Variants in SFMBT2 observed in about 807,000 individuals in gnomAD.
SFMBT2 encodes scm-like with four MBT domains protein 2.
A neutral mutation model predicts 110.1 loss-of-function variants in SFMBT2; 38 were observed. The observed-to-expected ratio is 0.35, with a 90% CI of 0.27 to 0.45. The LOEUF is 0.45. Among genes scored for constraint, SFMBT2 ranks in the 20% least tolerant of loss-of-function variants. The pLI is 1.00. For synonymous variants in SFMBT2, 425 were observed against 425.4 expected, an observed-to-expected ratio of 1.00 and a Z score of 0.01; for missense variants, 1,011 against 1,094.9, an observed-to-expected ratio of 0.92 and a Z score of 1.08.
At chr10:7,401,016 C>A (rs898441122) in intron 1 of SFMBT2, among the ~76,000 whole-genome samples, 84 of 152,220 alleles carry the variant, frequency 5.5e-4, no homozygotes, top group African/African-American at 1.9e-3. Flanking sequence ...GCCTGTAATC[C>A]CAGCTACTTG....
chr10:7,357,669 T>C (rs1012258418), intron 4 of SFMBT2, among the ~76,000 whole-genome samples: 3 of 152,116 alleles, frequency 2.0e-5, no homozygotes, highest in African/African-American at 7.2e-5. Flanking sequence ...CTAAAACAAT[T>C]CCAAATTAAC....
intron 4 of SFMBT2, among the ~76,000 whole-genome samples, chr10:7,330,659 C>A (rs991275011): frequency 6.6e-6 from 1 of 152,208 alleles, no homozygotes; most frequent in East Asian, 1.9e-4. Flanking sequence ...CTCTCTCTTT[C>A]TTCCTCTCTC....
intron 4 of SFMBT2, among the ~76,000 whole-genome samples, chr10:7,327,775 TA>T (rs1325341504): frequency 6.6e-6 from 1 of 152,180 alleles, no homozygotes; most frequent in East Asian, 1.9e-4. Context: ...CCTTCAAGAT[TA>T]TTCTCCATGG....
chr10:7,302,621 A>G lies in SFMBT2; in HGVS notation c.437-16667T>C, dbSNP rs143127443. The stretch of plus-strand genomic sequence containing the variant: ...GTTTTTATGAGAAAGAAGGTCTAGT[A>G]AAAGTGATTGATTACAAGGAGCATT... On this transcript the variant is annotated intron_variant, in intron 4 of 20. Transcript: ENST00000397167. Among the ~76,000 whole-genome samples, 210 of 152,370 alleles carry G rather than the reference A, an allele frequency of 1.4e-3. 1 individual carries two copies. Among genetic ancestry groups the G allele is most frequent in the African/African-American group, 4.9e-3 (205 of 41,584 alleles).
In SFMBT2 at chr10:7,173,936, C is replaced by T. The variant is rs527619902; in HGVS notation, c.1985-1275G>A. Among the ~76,000 whole-genome samples the T allele has an allele frequency of 2.6e-5, 4 of 152,306 alleles. No individual in the cohort carries two copies. In the South Asian group the frequency reaches 8.3e-4, roughly 32 times the overall value. ...TAAGTCACCTATCCTTTCTGCACCC[C>T]AATTTCCTTACTTACAAAATGAGAC... On this transcript the variant is annotated intron_variant, in intron 17 of 20. Transcript: ENST00000397167.
intron 6 of SFMBT2, among the ~76,000 whole-genome samples, chr10:7,281,970 A>T (rs947292005): frequency 3.9e-5 from 6 of 152,042 alleles, no homozygotes; most frequent in Non-Finnish European, 7.4e-5. Flanking sequence ...TCAGCCCCCT[A>T]AGTAGCTGGG....
chr10:7,307,827 T>A (rs895131512), intron 4 of SFMBT2, among the ~76,000 whole-genome samples: 1 of 152,150 alleles, frequency 6.6e-6, no homozygotes, highest in Non-Finnish European at 1.5e-5. Context: ...ATCAGCTTAG[T>A]AAAATTAAGA....
chr10:7,219,794 A>G (rs1839665584), intron 11 of SFMBT2: 3 of 248,594 alleles, frequency 1.2e-5, no homozygotes, highest in African/African-American at 6.9e-5. Context: ...CTGAAAACCC[A>G]CCACCTAGAA....
At chr10:7,180,867 C>G (rs1018459117) in intron 16 of SFMBT2, among the ~76,000 whole-genome samples, 4 of 152,112 alleles carry the variant, frequency 2.6e-5, no homozygotes, top group African/African-American at 9.7e-5. Flanking sequence ...ACTGTCACAG[C>G]CGGAGTTGCA....
chr10:7,285,607 C>T, intron 5 of SFMBT2: 1 of 425,692 alleles, frequency 2.3e-6, no homozygotes, highest in Non-Finnish European at 4.3e-6. Flanking sequence ...GACATCCTAG[C>T]ATATTGTGAT....
At chr10:7,325,523 T>C (rs1231324790) in intron 4 of SFMBT2, among the ~76,000 whole-genome samples, 1 of 152,212 alleles carries the variant, frequency 6.6e-6, no homozygotes, top group Non-Finnish European at 1.5e-5. Flanking sequence ...TCTCTTCTTC[T>C]AAATACATAT....
chr10:7,409,279 A>G (rs2249445), intron 1 of SFMBT2: 121,026 of 151,970 alleles, frequency 0.8, 48,794 homozygotes, highest in East Asian at 1. Flanking sequence ...TCCTTTTAAT[A>G]AGCACCTCCT....
intron 4 of SFMBT2, among the ~76,000 whole-genome samples, chr10:7,310,724 G>A (rs781201363): frequency 6.6e-6 from 1 of 152,104 alleles, no homozygotes; most frequent in Non-Finnish European, 1.5e-5. Context: ...AAACAGGCAG[G>A]TTTGAAAAAA....
chr10:7,192,450 G>T (rs1461429361), intron 15 of SFMBT2, among the ~76,000 whole-genome samples: 2 of 152,172 alleles, frequency 1.3e-5, no homozygotes, highest in Non-Finnish European at 2.9e-5. Context: ...GGCTGCTTGG[G>T]GCAGCCGACT....
rs1156923562 is a variant in SFMBT2 at position 7,200,269 on chromosome 10, G to A, written c.1558+145C>T. ...TAGAAATTTTTCTTTTTAAAAAGTA[G>A]GTATCCGTTCCTGAGTGGCAATGGA... On this transcript the variant is annotated intron_variant, in intron 14 of 20. Transcript: ENST00000397167. The A allele has an allele frequency of 1.7e-5, 9 of 535,186 alleles. 1 individual carries two copies. The allele number at this position is 535,186 out of a possible 1,614,324, so 33.2% of individuals were successfully genotyped here.
At chr10:7,280,848 C>T (rs1045086204) in intron 6 of SFMBT2, among the ~76,000 whole-genome samples, 3 of 152,180 alleles carry the variant, frequency 2.0e-5, no homozygotes, top group African/African-American at 7.2e-5. Flanking sequence ...AAATCTAGTT[C>T]CTTTTCCCAG....
intron 1 of SFMBT2, among the ~76,000 whole-genome samples, chr10:7,387,777 GAAAA>G (rs34684925): frequency 8.1e-6 from 1 of 123,318 alleles, no homozygotes. Context: ...TTAAAAATAG[GAAAA>G]AAAAAAAAAA....
intron 7 of SFMBT2, among the ~76,000 whole-genome samples, chr10:7,261,813 C>T (rs373619626): frequency 5.1e-4 from 77 of 152,278 alleles, no homozygotes; most frequent in African/African-American, 1.6e-3. Flanking sequence ...ATGGCACTGG[C>T]GACAAAACTG....
chr10:7,379,949 T>C (rs1427420734), intron 2 of SFMBT2, among the ~76,000 whole-genome samples: 1 of 151,960 alleles, frequency 6.6e-6, no homozygotes, highest in African/African-American at 2.4e-5. Context: ...GTTAGAGAGA[T>C]ACACTGCAAC....
Sources: allele counts gnomAD v4.1 joint callset (sites outside exome capture counted in the v4.1 genomes callset), GRCh38; gene constraint gnomAD v4.1.1; transcripts MANE v1.5; gene names NCBI Gene and HGNC (gene_info 2026-07-23, HGNC 2026-07-21).